Variants in PRKX observed in about 807,000 individuals in gnomAD.
The protein encoded by PRKX is cAMP-dependent protein kinase catalytic subunit PRKX.
A neutral mutation model predicts 22.0 loss-of-function variants in PRKX; 12 were observed. That is an observed-to-expected ratio of 0.54 (90% CI 0.35 to 0.88). PRKX has a LOEUF of 0.88. PRKX is among the 40% of genes least tolerant of loss of function. The probability of loss-of-function intolerance (pLI) is 0.01; values close to 1 mark genes in which losing one functional copy is unlikely to be tolerated. For synonymous variants in PRKX, 134 were observed against 137.7 expected, an observed-to-expected ratio of 0.97 and a Z score of 0.19; for missense variants, 217 against 308.0, an observed-to-expected ratio of 0.70 and a Z score of 2.21.
chrX:3,682,870 ATTAAG>A (rs1307482553), intron 1 of PRKX, among the ~76,000 whole-genome samples: 1 of 111,236 alleles, frequency 9.0e-6, no homozygotes, highest in Admixed American at 9.5e-5. Flanking sequence ...TGCAGATGTA[ATTAAG>A]TTAAAGATCT....
At chrX:3,626,683 G>A (rs1308882360) in intron 4 of PRKX, among the ~76,000 whole-genome samples, 169 bp from the exon 5 acceptor site, 1 of 112,458 alleles carries the variant, frequency 8.9e-6, no homozygotes, top group African/African-American at 3.2e-5. Flanking sequence ...ACAGTCAGAT[G>A]GTTCTAAGAG....
intron 7 of PRKX, among the ~76,000 whole-genome samples, chrX:3,615,485 C>T (rs1406103413): frequency 9.0e-6 from 1 of 111,403 alleles, no homozygotes; most frequent in African/African-American, 3.3e-5. Flanking sequence ...TAGGGTTTAG[C>T]AGTCACAGAG....
intron 4 of PRKX, among the ~76,000 whole-genome samples, chrX:3,639,278 T>C (rs180746032): frequency 0.082 from 85 of 1,035 alleles, 8 homozygotes; most frequent in African/African-American, 0.24. Context: ...GATGGATGGA[T>C]GGATGAAGGG....
intron 1 of PRKX, among the ~76,000 whole-genome samples, chrX:3,694,603 T>C (rs1036390805): frequency 3.8e-5 from 4 of 106,465 alleles, no homozygotes; most frequent in Non-Finnish European, 7.7e-5. Context: ...ACAACTCTAG[T>C]AGACTGAACT....
intron 1 of PRKX, among the ~76,000 whole-genome samples, chrX:3,678,294 A>G (rs773129526): frequency 8.0e-5 from 9 of 112,131 alleles, no homozygotes; most frequent in Non-Finnish European, 1.5e-4. Flanking sequence ...TGCAATGAAT[A>G]TGGTCCTTGA....
chrX:3,689,802 C>A (rs940358649), intron 1 of PRKX, among the ~76,000 whole-genome samples: 10 of 111,213 alleles, frequency 9.0e-5, no homozygotes, highest in African/African-American at 2.6e-4. Flanking sequence ...ACGGTGAAAC[C>A]CTGTCTCCAC....
intron 5 of PRKX, among the ~76,000 whole-genome samples, chrX:3,622,347 A>G (rs1424749992): frequency 3.6e-5 from 4 of 110,861 alleles, no homozygotes; most frequent in Non-Finnish European, 7.5e-5. Context: ...AATAACATAC[A>G]TAATATGATA....
At chrX:3,705,483 C>T (rs1928663173) in intron 1 of PRKX, among the ~76,000 whole-genome samples, 1 of 111,005 alleles carries the variant, frequency 9.0e-6, no homozygotes. Context: ...TAGAGGACCA[C>T]GGGGAGGCCA....
At chrX:3,621,975 C>CA (rs892804887) in intron 5 of PRKX, among the ~76,000 whole-genome samples, 10 of 107,205 alleles carry the variant, frequency 9.3e-5, no homozygotes, top group South Asian at 4.1e-4. Flanking sequence ...CCCATCTCTA[C>CA]AAAAAAAAAG....
intron 8 of PRKX, 147 bp from the exon 9 acceptor site, chrX:3,609,092 C>T (rs1277939228): frequency 8.9e-6 from 1 of 111,954 alleles, no homozygotes; most frequent in African/African-American, 3.2e-5. Flanking sequence ...TGCAAGGATC[C>T]ATAAGCCTGA....
chrX:3,702,217 G>C (rs918471801), intron 1 of PRKX, among the ~76,000 whole-genome samples: 10 of 112,116 alleles, frequency 8.9e-5, no homozygotes, highest in African/African-American at 2.9e-4. Flanking sequence ...GGCTTCACAG[G>C]GTCCCCCTCT....
At chrX:3,694,158 G>A (rs367698855) in intron 1 of PRKX, among the ~76,000 whole-genome samples, 10 of 108,622 alleles carry the variant, frequency 9.2e-5, no homozygotes, top group East Asian at 2.9e-4. Context: ...AGGCCAAGGC[G>A]GGTGGATCAC....
chrX:3,700,831 C>G (rs1054773149), intron 1 of PRKX, among the ~76,000 whole-genome samples: 22 of 111,158 alleles, frequency 2.0e-4, no homozygotes, highest in Non-Finnish European at 4.1e-4. Context: ...AACCCCTGGC[C>G]TCAAGCGCTC....
At chrX:3,649,830 GAGGA>G (rs1174879240) in intron 3 of PRKX, among the ~76,000 whole-genome samples, 24 of 82,047 alleles carry the variant, frequency 2.9e-4, no homozygotes, top group African/African-American at 4.5e-4. Context: ...GGGAGGGAGG[GAGGA>G]AGGAAGGAAG....
chrX:3,682,341 G>A (rs1603474542), intron 1 of PRKX, among the ~76,000 whole-genome samples: 1 of 110,630 alleles, frequency 9.0e-6, no homozygotes, highest in East Asian at 2.9e-4. Flanking sequence ...GCATTGAATG[G>A]GGTGCCCTGG....
chrX:3,675,042 T>C, intron 1 of PRKX, among the ~76,000 whole-genome samples: 1 of 111,796 alleles, frequency 8.9e-6, no homozygotes, highest in Admixed American at 9.5e-5. Flanking sequence ...TTCCTCAATT[T>C]GGGGACAAAC....
At chrX:3,643,844 T>TA (rs762454319) in intron 3 of PRKX, among the ~76,000 whole-genome samples, 16 of 110,986 alleles carry the variant, frequency 1.4e-4, no homozygotes, top group Non-Finnish European at 2.6e-4. Flanking sequence ...AAGCCTATTT[T>TA]ATACCCAGCA....
chrX:3,673,907 T>C (rs1157331151), intron 2 of PRKX, among the ~76,000 whole-genome samples: 1 of 110,967 alleles, frequency 9.0e-6, no homozygotes, highest in East Asian at 2.8e-4. Flanking sequence ...CCTTCCACCA[T>C]GTGAGGACAC....
At chrX:3,617,322 C>A (rs1443168915) in intron 6 of PRKX, among the ~76,000 whole-genome samples, 1 of 109,764 alleles carries the variant, frequency 9.1e-6, no homozygotes, top group African/African-American at 3.3e-5. Context: ...ACATTAGTAT[C>A]CAAACTAGTG....
Sources: allele counts gnomAD v4.1 joint callset (sites outside exome capture counted in the v4.1 genomes callset), GRCh38; gene constraint gnomAD v4.1.1; transcripts MANE v1.5; gene names NCBI Gene and HGNC (gene_info 2026-07-23, HGNC 2026-07-21).